PSIP1: variants seen among roughly 807,000 people sequenced by gnomAD.
PSIP1 encodes PC4 and SFRS1-interacting protein.
A neutral mutation model predicts 74.7 loss-of-function variants in PSIP1; 19 were observed. The ratio of observed to expected loss-of-function variants is 0.25; its 90% confidence interval spans 0.18 to 0.37. The LOEUF (loss-of-function observed/expected upper bound fraction) is 0.37. Among genes scored for constraint, PSIP1 ranks in the 10% least tolerant of loss-of-function variants. The pLI is 1.00. For synonymous variants in PSIP1, 222 were observed against 195.3 expected, an observed-to-expected ratio of 1.14 and a Z score of -1.14; for missense variants, 601 against 614.3, an observed-to-expected ratio of 0.98 and a Z score of 0.23.
chr9:15,498,311 A>G (rs563062092), intron 3 of PSIP1, among the ~76,000 whole-genome samples: 2 of 152,194 alleles, frequency 1.3e-5, no homozygotes, highest in African/African-American at 2.4e-5. Flanking sequence ...AGCCACTAGG[A>G]AGCCTGAAGC....
In PSIP1 at chr9:15,506,642, AAG is replaced by A; in HGVS notation, c.73-7_73-6del. On this transcript the variant is annotated splice_polypyrimidine_tract_variant and splice_region_variant and intron_variant, in intron 2 of 15. Coordinates refer to ENST00000380733, the MANE Select transcript of PSIP1 (RefSeq NM_033222.5). ...TCCATCAGGAACTTCGTCTACCTAA[AAG>A]AAAAGTGAGAAAAATTAAAATATTT... 1 of 1,597,320 alleles carries A rather than the reference AAG, an allele frequency of 6.3e-7. No individual in the cohort carries two copies. The highest frequency in any genetic ancestry group is 8.6e-7 in the Non-Finnish European group (1 of 1,165,678).
At chr9:15,497,795 A>G (rs1208703315) in intron 3 of PSIP1, among the ~76,000 whole-genome samples, 1 of 152,174 alleles carries the variant, frequency 6.6e-6, no homozygotes, top group Non-Finnish European at 1.5e-5. Flanking sequence ...TTTTTTGACA[A>G]TAACATATCC....
At position 15,474,285 on chromosome 9, in the gene PSIP1, G is replaced by A. The variant is rs58747763; in HGVS notation, c.630-48C>T. 3 of 1,452,242 alleles carry A rather than the reference G, an allele frequency of 2.1e-6. No homozygotes were observed. In the South Asian group the frequency reaches 3.9e-5, roughly 19 times the overall value. The allele number at this position is 1,452,242 out of a possible 1,614,324, so 90.0% of individuals were successfully genotyped here. On this transcript the variant is annotated intron_variant, in intron 8 of 15. Coordinates refer to ENST00000380733, the MANE Select transcript of PSIP1 (RefSeq NM_033222.5). ...GTATACTTGTCATTCAACTATAATA[G>A]TATTTTAGATATCAGTAAGCTATAA...
At chr9:15,466,540 TC>T (rs2035639280) in intron 15 of PSIP1, among the ~76,000 whole-genome samples, 1 of 152,236 alleles carries the variant, frequency 6.6e-6, no homozygotes, top group African/African-American at 2.4e-5. Context: ...CCCAGCTAGT[TC>T]CATTCCCTTG....
At chr9:15,483,082 T>A (rs569814338) in intron 6 of PSIP1, among the ~76,000 whole-genome samples, 1 of 152,294 alleles carries the variant, frequency 6.6e-6, no homozygotes, top group African/African-American at 2.4e-5. Context: ...TTATATTCCT[T>A]CAGGATTCTG....
chr9:15,486,811 G>T lies in PSIP1; in HGVS notation c.393+16C>A, dbSNP rs748398953. On this transcript the variant is annotated intron_variant, in intron 5 of 15. Coordinates refer to ENST00000380733, the MANE Select transcript of PSIP1 (RefSeq NM_033222.5). ...AAACAAAATGGGTTTAAAATGTTAG[G>T]AGAAATAGAACATACCTCATTGCTG... 1.2e-5 allele frequency: 19 copies of T among 1,545,870 alleles called. No individual in the cohort carries two copies. The African/African-American group carries it at 2.3e-4, about 19-fold the overall frequency.
At chr9:15,478,289 TGATA>T (rs1401080082) in intron 8 of PSIP1, among the ~76,000 whole-genome samples, 184 bp downstream of exon 8, 1 of 151,908 alleles carries the variant, frequency 6.6e-6, no homozygotes, top group African/African-American at 2.4e-5. Context: ...ATTAATGAAA[TGATA>T]AATAGCCATT....
At chr9:15,470,583 C>A in intron 10 of PSIP1, 1 of 942,544 alleles carries the variant, frequency 1.1e-6, no homozygotes, top group Non-Finnish European at 1.3e-6. Flanking sequence ...GAGTTCAGGC[C>A]ATATTATGAA....
At chr9:15,504,205 G>A (rs1427080121) in intron 3 of PSIP1, among the ~76,000 whole-genome samples, 3 of 152,158 alleles carry the variant, frequency 2.0e-5, no homozygotes, top group Admixed American at 2.0e-4. Flanking sequence ...TAACTTTAAA[G>A]TTAAATTCAT....
At chr9:15,484,877 C>G (rs2036492148) in intron 6 of PSIP1, among the ~76,000 whole-genome samples, 1 of 142,690 alleles carries the variant, frequency 7.0e-6, no homozygotes, top group Non-Finnish European at 1.5e-5. Context: ...CGCACCACTT[C>G]ACACCAACCT....
chr9:15,472,817 A>T, intron 9 of PSIP1, 67 bp from the exon 10 acceptor site: 1 of 1,401,034 alleles, frequency 7.1e-7, no homozygotes, highest in East Asian at 2.5e-5. Flanking sequence ...TGGAATTATA[A>T]TCTTGGGGGA....
intron 3 of PSIP1, among the ~76,000 whole-genome samples, chr9:15,498,684 T>C (rs1393564569): frequency 4.6e-5 from 7 of 152,034 alleles, no homozygotes; most frequent in African/African-American, 1.4e-4. Flanking sequence ...ATCCTTAATA[T>C]GCTAAGTAAA....
intron 6 of PSIP1, among the ~76,000 whole-genome samples, chr9:15,481,254 A>AGACT (rs1333490951): frequency 6.6e-6 from 1 of 152,254 alleles, no homozygotes; most frequent in Non-Finnish European, 1.5e-5. Flanking sequence ...TAAGAACTCA[A>AGACT]GACTGAGAGC....
chr9:15,503,829 C>T (rs978164837), intron 3 of PSIP1, among the ~76,000 whole-genome samples: 42 of 152,264 alleles, frequency 2.8e-4, no homozygotes, highest in African/African-American at 9.4e-4. Context: ...TCACCACACC[C>T]TCTGCCTCCT....
Position 15,465,575 on chromosome 9 carries a change from G to A in PSIP1, c.1538C>T (p.Ser513Phe), listed in dbSNP as rs776056461. The A allele has an allele frequency of 3.2e-6, 5 of 1,581,074 alleles. No homozygotes were observed. The highest frequency in any genetic ancestry group is 1.4e-5 in the African/African-American group (1 of 73,884). Reference protein sequence around the residue: ...NHEASTKKKPSSEERETEISL... With the variant: ...NHEASTKKKPFSEERETEISL... The stretch of plus-strand genomic sequence containing the variant: ...TATTTCAGTCTCTCTCTCTTCACTG[G>A]ATGGCCTGAAGAAAAGGGGGAAAGG... The change falls in exon 16 of 16, where the codon TCC (serine) becomes TTC (phenylalanine). Residue 513 changes from serine (S) to phenylalanine (F), a missense_variant. Physicochemically the swap from Ser to Phe is radical, Grantham distance 155 (BLOSUM62 -2). Coordinates refer to ENST00000380733, the MANE Select transcript of PSIP1 (RefSeq NM_033222.5).
intron 2 of PSIP1, among the ~76,000 whole-genome samples, chr9:15,509,894 T>C (rs1257133231): frequency 6.6e-6 from 1 of 152,206 alleles, no homozygotes; most frequent in African/African-American, 2.4e-5. Context: ...TGTCCAAGTC[T>C]GCCAATAAAC....
At chr9:15,493,985 G>C (rs1226941982) in intron 3 of PSIP1, among the ~76,000 whole-genome samples, 1 of 152,118 alleles carries the variant, frequency 6.6e-6, no homozygotes, top group Non-Finnish European at 1.5e-5. Flanking sequence ...ACATCAGTGA[G>C]TCATATAAGT....
Position 15,469,947 on chromosome 9 carries a change from TCTC to T in PSIP1, c.1021_1023del (p.Glu341del). 6.2e-7 allele frequency: 1 copy of T among 1,607,820 alleles called. No homozygotes were observed. The highest frequency in any genetic ancestry group is 8.5e-7 in the Non-Finnish European group (1 of 1,177,818). ...AAGTGAAATAACTAACCTCGCTTCT[TCTC>T]CACTTTCTTAACTTCTGGCTTCTTT... On this transcript the variant is annotated inframe_deletion, in exon 11 of 16. Coordinates refer to ENST00000380733, the MANE Select transcript of PSIP1 (RefSeq NM_033222.5).
At position 15,464,250 on chromosome 9, in the gene PSIP1, T is replaced by C. The variant is rs550988447; in HGVS notation, c.*1270A>G. Reference sequence around the variant, plus strand: ...GACCTCTTTAAAAGCAAAAATGCAATTCTGTAGATGAAAACAGTTATCTCA... The same window carrying C: ...GACCTCTTTAAAAGCAAAAATGCAACTCTGTAGATGAAAACAGTTATCTCA... On this transcript the variant is annotated 3_prime_UTR_variant, in exon 16 of 16. Transcript: ENST00000380733. The C allele has an allele frequency of 5.2e-6, 1 of 193,058 alleles. No homozygotes were observed. The highest frequency in any genetic ancestry group is 1.1e-5 in the Non-Finnish European group (1 of 92,496). The allele number at this position is 193,058 out of a possible 1,614,324, so 12.0% of individuals were successfully genotyped here. A position where few individuals can be genotyped will look rare whatever the true frequency, so the allele number is the denominator to read the frequency against.
Sources: gnomAD v4.1 joint callset for allele counts (sites outside exome capture counted in the v4.1 genomes callset) on GRCh38, gnomAD v4.1.1 for gene constraint, MANE v1.5 for transcripts, NCBI Gene and HGNC (gene_info 2026-07-23, HGNC 2026-07-21) for gene names.